The following GALNT13 variants were observed in gnomAD, a reference collection of about 807,000 sequenced individuals.
GALNT13 encodes the protein UDP-GalNAc:polypeptide N-acetylgalactosaminyltransferase 13.
Under a neutral mutation model 64.2 loss-of-function variants are expected in GALNT13, and 28 were observed. That is an observed-to-expected ratio of 0.44 (90% CI 0.32 to 0.60). The LOEUF (loss-of-function observed/expected upper bound fraction) is 0.60, where lower values mean the gene tolerates loss of function less well. Among genes scored for constraint, GALNT13 ranks in the 20% least tolerant of loss-of-function variants. The pLI is 0.05. For synonymous variants in GALNT13, 214 were observed against 224.6 expected, an observed-to-expected ratio of 0.95 and a Z score of 0.42; for missense variants, 577 against 669.8, an observed-to-expected ratio of 0.86 and a Z score of 1.53.
the GALNT13 span, among the ~76,000 whole-genome samples, chr2:153,576,391 G>A: frequency 6.6e-6 from 1 of 152,290 alleles, no homozygotes. Flanking sequence ...GAGCACTTTG[G>A]TCCTTGGTGG....
chr2:153,616,627 T>C, the GALNT13 span, among the ~76,000 whole-genome samples: 1 of 152,000 alleles, frequency 6.6e-6, no homozygotes, highest in Non-Finnish European at 1.5e-5. Context: ...ATAGTTTTTA[T>C]TGTAGAGATC....
At chr2:153,136,129 C>A in the GALNT13 span, among the ~76,000 whole-genome samples, 1 of 152,040 alleles carries the variant, frequency 6.6e-6, no homozygotes, top group African/African-American at 2.4e-5. Context: ...TTAACATTTA[C>A]TTTTTCAGGA....
the GALNT13 span, among the ~76,000 whole-genome samples, chr2:153,338,577 G>T: frequency 6.6e-6 from 1 of 152,118 alleles, no homozygotes; most frequent in South Asian, 2.1e-4. Flanking sequence ...GCTAAATCAG[G>T]CTACTTAACA....
At chr2:154,331,813 A>G (rs1047700917) in intron 9 of GALNT13, among the ~76,000 whole-genome samples, 1 of 151,978 alleles carries the variant, frequency 6.6e-6, no homozygotes, top group Non-Finnish European at 1.5e-5. Context: ...TCACAACCCC[A>G]TATATCTAGC....
chr2:153,933,663 T>C (rs913170251), intron 2 of GALNT13, among the ~76,000 whole-genome samples: 14 of 152,126 alleles, frequency 9.2e-5, no homozygotes, highest in African/African-American at 3.4e-4. Flanking sequence ...AACTTGATCA[T>C]GTAGGTGTTT....
the GALNT13 span, among the ~76,000 whole-genome samples, chr2:153,518,895 G>A: frequency 9.2e-5 from 14 of 152,142 alleles, no homozygotes; most frequent in Admixed American, 2.0e-4. Context: ...GCACAATACA[G>A]TACTGTAATT....
At chr2:153,561,566 T>C in the GALNT13 span, among the ~76,000 whole-genome samples, 2 of 151,980 alleles carry the variant, frequency 1.3e-5, no homozygotes, top group Non-Finnish European at 2.9e-5. Flanking sequence ...TGGTGTCACA[T>C]TGGTGCTCAA....
intron 4 of GALNT13, among the ~76,000 whole-genome samples, chr2:154,195,947 T>C (rs1030659862): frequency 6.6e-6 from 1 of 152,172 alleles, no homozygotes; most frequent in Non-Finnish European, 1.5e-5. Flanking sequence ...TAGGATAATA[T>C]TGACCCACCC....
At chr2:153,715,987 T>C in the GALNT13 span, among the ~76,000 whole-genome samples, 1 of 152,222 alleles carries the variant, frequency 6.6e-6, no homozygotes, top group Admixed American at 6.5e-5. Context: ...GCTCTGTTTT[T>C]GTTTTCATAT....
chr2:154,304,057 C>T (rs1693599871), intron 9 of GALNT13, among the ~76,000 whole-genome samples: 1 of 152,054 alleles, frequency 6.6e-6, no homozygotes, highest in South Asian at 2.1e-4. Flanking sequence ...CCCGCAAAAA[C>T]TTTTTTATAT....
intron 8 of GALNT13, among the ~76,000 whole-genome samples, chr2:154,260,283 T>G (rs1690624520): frequency 6.6e-6 from 1 of 152,174 alleles, no homozygotes; most frequent in Admixed American, 6.5e-5. Flanking sequence ...GTTTAAAAAT[T>G]ATGCCTTTTA....
chr2:153,148,363 C>A, the GALNT13 span, among the ~76,000 whole-genome samples: 1 of 151,804 alleles, frequency 6.6e-6, no homozygotes, highest in African/African-American at 2.4e-5. Context: ...AGTTAGGCAG[C>A]AGCTGCTGTC....
chr2:154,323,595 A>T (rs964560183), intron 9 of GALNT13, among the ~76,000 whole-genome samples: 1 of 152,060 alleles, frequency 6.6e-6, no homozygotes, highest in African/African-American at 2.4e-5. Flanking sequence ...TCTTTTTATC[A>T]TACAACTTTA....
chr2:153,946,572 T>G (rs1012896141), intron 3 of GALNT13, among the ~76,000 whole-genome samples: 1 of 152,058 alleles, frequency 6.6e-6, no homozygotes, highest in East Asian at 1.9e-4. Context: ...GGCTGTTCCT[T>G]GTAAACAGCT....
intron 3 of GALNT13, among the ~76,000 whole-genome samples, chr2:154,086,494 A>G (rs138459956): frequency 2.0e-5 from 3 of 150,390 alleles, no homozygotes; most frequent in Admixed American, 1.3e-4. Flanking sequence ...GGTATGGGCA[A>G]TTTTGATTTT....
At chr2:154,421,792 T>A (rs917367285) in intron 11 of GALNT13, among the ~76,000 whole-genome samples, 1 of 151,978 alleles carries the variant, frequency 6.6e-6, no homozygotes, top group Non-Finnish European at 1.5e-5. Flanking sequence ...ATGCAAGAAA[T>A]ATATATATAT....
the GALNT13 span, among the ~76,000 whole-genome samples, chr2:153,082,573 TTATATATATATATATATATATA>T: frequency 7.6e-4 from 31 of 40,566 alleles, no homozygotes; most frequent in East Asian, 3.1e-3. Context: ...TTAGGCTGGT[TTATATATATATATATATATATA>T]TATATATATA....
At chr2:153,156,829 G>A in the GALNT13 span, among the ~76,000 whole-genome samples, 2 of 152,140 alleles carry the variant, frequency 1.3e-5, no homozygotes, top group African/African-American at 4.8e-5. Context: ...TTGCATGGAG[G>A]TAAAGACTTT....
chr2:153,681,949 T>A, the GALNT13 span, among the ~76,000 whole-genome samples: 1 of 151,758 alleles, frequency 6.6e-6, no homozygotes, highest in Non-Finnish European at 1.5e-5. Flanking sequence ...TTGATTACCA[T>A]CTTTAAGCTG....
Sources: gnomAD v4.1 joint callset for allele counts (sites outside exome capture counted in the v4.1 genomes callset) on GRCh38, gnomAD v4.1.1 for gene constraint, MANE v1.5 for transcripts, NCBI Gene and HGNC (gene_info 2026-07-23, HGNC 2026-07-21) for gene names.